The following MTUS2 variants were observed in gnomAD, a reference collection of about 807,000 sequenced individuals.
The protein encoded by MTUS2 is microtubule associated scaffold protein 2, also known as microtubule-associated tumor suppressor candidate 2.
In MTUS2, 40 loss-of-function variants were observed where a neutral mutation model predicts 114.1. The observed-to-expected ratio is 0.35, with a 90% CI of 0.27 to 0.46. The LOEUF (loss-of-function observed/expected upper bound fraction) is 0.46, where lower values mean the gene tolerates loss of function less well. Among genes scored for constraint, MTUS2 ranks in the 20% least tolerant of loss-of-function variants. MTUS2 has a pLI of 1.00. For synonymous variants in MTUS2, 688 were observed against 672.0 expected (o/e 1.02, Z -0.37); for missense variants, 1,679 against 1,705.4 (o/e 0.98, Z 0.27).
intron 5 of MTUS2, among the ~76,000 whole-genome samples, chr13:29,195,967 C>T (rs963452489): frequency 2.0e-5 from 3 of 151,958 alleles, no homozygotes; most frequent in African/African-American, 7.3e-5. Context: ...AGGACTGATG[C>T]GATCAAGTTT....
chr13:29,377,645 G>A (rs929109973), intron 8 of MTUS2, among the ~76,000 whole-genome samples: 2 of 143,554 alleles, frequency 1.4e-5, no homozygotes, highest in African/African-American at 2.5e-5. Context: ...AGGTATTTAT[G>A]GCATTACATG....
chr13:29,333,576 T>G (rs11842419), intron 7 of MTUS2, among the ~76,000 whole-genome samples: 11,490 of 152,224 alleles, frequency 0.075, 1,374 homozygotes, highest in African/African-American at 0.25. Context: ...TTACATTCTT[T>G]TGCATTTTCT....
chr13:29,390,761 GA>G lies in MTUS2; in HGVS notation c.3117+31289del, dbSNP rs1306762310. Among the ~76,000 whole-genome samples the G allele has an allele frequency of 2.7e-5, 4 of 148,574 alleles. No individual in the cohort carries two copies. The East Asian group carries it at 7.9e-4, about 29-fold the overall frequency. ...GCAGATAGTCCCACCAAATGGTGAT[GA>G]TGATGATGATGATGATGATGATGAT... On this transcript the variant is annotated intron_variant, in intron 8 of 15. Transcript: ENST00000612955.
intron 5 of MTUS2, among the ~76,000 whole-genome samples, chr13:29,110,058 A>G (rs1890823643): frequency 6.6e-6 from 1 of 152,240 alleles, no homozygotes; most frequent in African/African-American, 2.4e-5. Context: ...CAAAATACAG[A>G]CAAGGAAAAT....
At chr13:29,207,951 A>G (rs1895261083) in intron 5 of MTUS2, among the ~76,000 whole-genome samples, 1 of 152,146 alleles carries the variant, frequency 6.6e-6, no homozygotes, top group Non-Finnish European at 1.5e-5. Flanking sequence ...AGAATGATTT[A>G]GGGAGGATTC....
chr13:29,138,767 A>G (rs951852829), intron 5 of MTUS2, among the ~76,000 whole-genome samples: 9 of 151,992 alleles, frequency 5.9e-5, no homozygotes, highest in African/African-American at 1.2e-4. Context: ...AACTCATCCA[A>G]AGTCAACATA....
chr13:28,858,561 G>C lies in MTUS2; in HGVS notation c.-243+18711G>C, dbSNP rs181099757. On this transcript the variant is annotated intron_variant, in intron 2 of 15. Transcript: ENST00000612955. ...GTTTTGAAGGTTTGCTGCATTGGAA[G>C]TTGACAATAAAATTACAGCACGTGC... Among the ~76,000 whole-genome samples, 210 of 152,264 alleles carry C rather than the reference G, an allele frequency of 1.4e-3. 3 individuals carry two copies. The highest frequency in any genetic ancestry group is 4.2e-3 in the African/African-American group (176 of 41,554).
At chr13:29,435,856 AG>A (rs1877366089) in intron 8 of MTUS2, among the ~76,000 whole-genome samples, 1 of 152,260 alleles carries the variant, frequency 6.6e-6, no homozygotes, top group South Asian at 2.1e-4. Context: ...GAGCCAGAGC[AG>A]AGCTGTGCCA....
intron 5 of MTUS2, among the ~76,000 whole-genome samples, chr13:29,132,945 C>T (rs1196821792): frequency 2.0e-5 from 3 of 151,752 alleles, no homozygotes; most frequent in Admixed American, 6.6e-5. Flanking sequence ...ATACTGTTTT[C>T]CGTAACAGCT....
At chr13:28,824,968 A>G (rs976027307) in intron 1 of MTUS2, among the ~76,000 whole-genome samples, 16 of 152,208 alleles carry the variant, frequency 1.1e-4, no homozygotes, top group African/African-American at 2.9e-4. Context: ...CAGAGCCCTA[A>G]AGGAGATGGA....
intron 5 of MTUS2, among the ~76,000 whole-genome samples, chr13:29,118,047 T>C (rs1891162433): frequency 6.6e-6 from 1 of 152,090 alleles, no homozygotes; most frequent in African/African-American, 2.4e-5. Context: ...GCATGAAAAA[T>C]AGACCACGTC....
At chr13:29,455,861 G>A (rs1879070076) in intron 9 of MTUS2, among the ~76,000 whole-genome samples, 1 of 152,148 alleles carries the variant, frequency 6.6e-6, no homozygotes, top group Admixed American at 6.5e-5. Flanking sequence ...CACACTGGTA[G>A]TCCCAGCTGC....
chr13:29,125,209 A>C (rs1891464877), intron 5 of MTUS2, among the ~76,000 whole-genome samples: 2 of 152,254 alleles, frequency 1.3e-5, no homozygotes, highest in South Asian at 4.1e-4. Flanking sequence ...TGATAACTAT[A>C]GGACAGCTTG....
intron 2 of MTUS2, among the ~76,000 whole-genome samples, chr13:28,859,256 G>A (rs748329560): frequency 5.3e-5 from 8 of 152,150 alleles, no homozygotes; most frequent in Non-Finnish European, 8.8e-5. Flanking sequence ...GGTGGCTGGG[G>A]CCCAGTGGGA....
At chr13:28,858,045 T>G (rs1359095127) in intron 2 of MTUS2, among the ~76,000 whole-genome samples, 1 of 152,136 alleles carries the variant, frequency 6.6e-6, no homozygotes, top group African/African-American at 2.4e-5. Context: ...GCTCTGGATA[T>G]AAAGTAGAGG....
At position 29,426,590 on chromosome 13, in the gene MTUS2, A is replaced by T. The variant is rs559302610; in HGVS notation, c.3118-13393A>T. On this transcript the variant is annotated intron_variant, in intron 8 of 15. Transcript: ENST00000612955. ...TCCACTTTCTGTCTCTGTGAATTCGACCACTCTAGGTACTTCATATAAGTG... is the reference window on the plus strand; with the variant it reads ...TCCACTTTCTGTCTCTGTGAATTCGTCCACTCTAGGTACTTCATATAAGTG... 1.7e-4 allele frequency among the ~76,000 whole-genome samples: 26 copies of T among 152,306 alleles called. No homozygotes were observed. In the East Asian group the frequency reaches 4.1e-3, roughly 24 times the overall value.
At chr13:29,422,787 C>G (rs1176697634) in intron 8 of MTUS2, among the ~76,000 whole-genome samples, 1 of 151,236 alleles carries the variant, frequency 6.6e-6, no homozygotes, top group Non-Finnish European at 1.5e-5. Flanking sequence ...CCTCAGCCTC[C>G]TGGGTAGCTA....
At chr13:29,413,154 T>C (rs575608845) in intron 8 of MTUS2, among the ~76,000 whole-genome samples, 25 of 152,306 alleles carry the variant, frequency 1.6e-4, no homozygotes, top group African/African-American at 5.8e-4. Flanking sequence ...TCTTAATTCC[T>C]CTTTGCTATA....
At chr13:28,823,525 C>CT (rs1874054722) in intron 1 of MTUS2, among the ~76,000 whole-genome samples, 1 of 152,194 alleles carries the variant, frequency 6.6e-6, no homozygotes, top group Non-Finnish European at 1.5e-5. Context: ...CATCAGTCAT[C>CT]TATCTACCAT....
Sources: allele counts gnomAD v4.1 joint callset (sites outside exome capture counted in the v4.1 genomes callset), GRCh38; gene constraint gnomAD v4.1.1; transcripts MANE v1.5; gene names NCBI Gene and HGNC (gene_info 2026-07-23, HGNC 2026-07-21).